Variants in WLS observed in about 807,000 individuals in gnomAD.
WLS encodes the protein protein wntless homolog.
A neutral mutation model predicts 62.8 loss-of-function variants in WLS; 23 were observed. The observed-to-expected ratio is 0.37, with a 90% CI of 0.26 to 0.52. The LOEUF (loss-of-function observed/expected upper bound fraction) is 0.52. Among genes scored for constraint, WLS ranks in the 20% least tolerant of loss-of-function variants. The pLI, the probability that WLS is intolerant of heterozygous loss-of-function variation, is 0.92. For missense variants in WLS, 615 were observed against 697.3 expected, an observed-to-expected ratio of 0.88 and a Z score of 1.33; for synonymous variants, 246 against 244.1, an observed-to-expected ratio of 1.01 and a Z score of -0.07.
At chr1:68,194,746 G>C (rs1648569890) in intron 1 of WLS, among the ~76,000 whole-genome samples, 1 of 152,136 alleles carries the variant, frequency 6.6e-6, no homozygotes, top group African/African-American at 2.4e-5. Flanking sequence ...CTCTAAAATT[G>C]TACAACATTG....
chr1:68,170,160 C>CTTTTT (rs571306573), intron 2 of WLS, among the ~76,000 whole-genome samples: 70 of 86,768 alleles, frequency 8.1e-4, no homozygotes, highest in Admixed American at 1.1e-3. Context: ...GCTACTATTT[C>CTTTTT]TTTTTTTTTT....
At chr1:68,159,334 TGG>T in intron 2 of WLS, 87 bp from the exon 3 acceptor site, 1 of 1,499,316 alleles carries the variant, frequency 6.7e-7, no homozygotes, top group Admixed American at 2.1e-5. Flanking sequence ...GGCTTTGACT[TGG>T]AAACCAACGA....
intron 11 of WLS, among the ~76,000 whole-genome samples, chr1:68,118,899 A>AAAAAAAAAAAAAAAAC (rs1646330307): frequency 6.7e-6 from 1 of 148,894 alleles, no homozygotes; most frequent in Non-Finnish European, 1.5e-5. Context: ...AAAAAAAAAA[A>AAAAAAAAAAAAAAAAC]AAAGCACCTG....
chr1:68,164,022 T>C (rs1001525630), intron 2 of WLS, among the ~76,000 whole-genome samples: 16 of 152,160 alleles, frequency 1.1e-4, no homozygotes, highest in African/African-American at 3.1e-4. Context: ...AAGGAAGAGA[T>C]GATCCATGGA....
At chr1:68,191,361 T>G (rs1395717708) in intron 2 of WLS, among the ~76,000 whole-genome samples, 1 of 152,136 alleles carries the variant, frequency 6.6e-6, no homozygotes, top group East Asian at 1.9e-4. Context: ...TCTCCTTTGC[T>G]TGAATGCATT....
At position 68,126,092 on chromosome 1, in the gene WLS, C is replaced by A; in HGVS notation, c.*134G>T. 6.9e-7 allele frequency: 1 copy of A among 1,455,812 alleles called. No individual in the cohort carries two copies. The highest frequency in any genetic ancestry group is 9.1e-7 in the Non-Finnish European group (1 of 1,100,328). The allele number at this position is 1,455,812 out of a possible 1,614,324, so 90.2% of individuals were successfully genotyped here. On this transcript the variant is annotated 3_prime_UTR_variant, in exon 12 of 12. Coordinates refer to ENST00000262348, the MANE Select transcript of WLS (RefSeq NM_024911.7). ...GAAGGCAAACTGACAAATGTCCATG[C>A]CGCTGGTCCAAGAAACCACAGCTAA...
intron 1 of WLS, among the ~76,000 whole-genome samples, chr1:68,231,269 G>A (rs1248571488): frequency 2.6e-4 from 39 of 152,138 alleles, no homozygotes; most frequent in Non-Finnish European, 2.9e-5. Context: ...AGAGAGGTCC[G>A]GGAGGTGCAC....
chr1:68,131,279 C>A (rs1363034074), intron 11 of WLS, among the ~76,000 whole-genome samples: 4 of 151,864 alleles, frequency 2.6e-5, no homozygotes, highest in African/African-American at 9.7e-5. Flanking sequence ...CTCAAAACAC[C>A]CATGAAAGAT....
At chr1:68,113,780 T>A (rs188317782) in intron 11 of WLS, among the ~76,000 whole-genome samples, 1 of 152,272 alleles carries the variant, frequency 6.6e-6, no homozygotes, top group African/African-American at 2.4e-5. Flanking sequence ...CCAGGTGAAC[T>A]GTCCGCAGGG....
intron 1 of WLS, among the ~76,000 whole-genome samples, chr1:68,219,022 C>T (rs1411876793): frequency 6.6e-6 from 1 of 152,082 alleles, no homozygotes; most frequent in Non-Finnish European, 1.5e-5. Flanking sequence ...AAAAGAAGCC[C>T]CTTCAAAATA....
intron 1 of WLS, among the ~76,000 whole-genome samples, chr1:68,209,630 A>G (rs1017036766): frequency 6.6e-6 from 1 of 152,154 alleles, no homozygotes; most frequent in Non-Finnish European, 1.5e-5. Context: ...AATACAAAAA[A>G]TTAGCTGGGT....
At chr1:68,181,926 G>A (rs913397155) in intron 2 of WLS, among the ~76,000 whole-genome samples, 6 of 152,138 alleles carry the variant, frequency 3.9e-5, no homozygotes, top group Admixed American at 3.9e-4. Flanking sequence ...TAAACTGCTT[G>A]GTTGATGATT....
At chr1:68,099,967 C>T (rs1237721594) in intron 11 of WLS, among the ~76,000 whole-genome samples, 1 of 152,206 alleles carries the variant, frequency 6.6e-6, no homozygotes, top group Admixed American at 6.5e-5. Flanking sequence ...AATTGGTGCA[C>T]ATAAAGTTCT....
intron 2 of WLS, among the ~76,000 whole-genome samples, chr1:68,182,538 G>C (rs1293213121): frequency 6.6e-6 from 1 of 152,150 alleles, no homozygotes; most frequent in Non-Finnish European, 1.5e-5. Context: ...TCTATACCAA[G>C]TCAGTAAGTA....
intron 1 of WLS, among the ~76,000 whole-genome samples, chr1:68,207,530 C>A (rs533401875): frequency 5.3e-5 from 8 of 152,330 alleles, no homozygotes; most frequent in African/African-American, 1.9e-4. Flanking sequence ...TGATTACCCT[C>A]TACAAAAAGT....
At chr1:68,228,990 T>C (rs548506040) in intron 1 of WLS, among the ~76,000 whole-genome samples, 7 of 150,922 alleles carry the variant, frequency 4.6e-5, no homozygotes, top group African/African-American at 1.7e-4. Flanking sequence ...GTTGCTTTTA[T>C]AGTGAATGTT....
chr1:68,099,240 G>C (rs933210124), intron 11 of WLS, among the ~76,000 whole-genome samples: 13 of 151,968 alleles, frequency 8.6e-5, no homozygotes, highest in Admixed American at 3.3e-4. Context: ...TTCCAAAAAG[G>C]ATGTTTTGGT....
chr1:68,226,323 C>G (rs1048590584), intron 1 of WLS, among the ~76,000 whole-genome samples: 1 of 152,060 alleles, frequency 6.6e-6, no homozygotes, highest in Non-Finnish European at 1.5e-5. Context: ...GCTAGGTAAT[C>G]TTGTGCAGTT....
chr1:68,160,362 A>G (rs762564920), intron 2 of WLS, among the ~76,000 whole-genome samples: 3 of 152,082 alleles, frequency 2.0e-5, no homozygotes, highest in Non-Finnish European at 4.4e-5. Context: ...TAAGGACGGC[A>G]TGACTTGATA....
Sources: allele counts gnomAD v4.1 joint callset (sites outside exome capture counted in the v4.1 genomes callset), GRCh38; gene constraint gnomAD v4.1.1; transcripts MANE v1.5; gene names NCBI Gene and HGNC (gene_info 2026-07-23, HGNC 2026-07-21).